Variants in VIM observed in about 807,000 individuals in gnomAD.
The protein encoded by VIM is epididymis secretory sperm binding protein.
Under a neutral mutation model 50.3 loss-of-function variants are expected in VIM, and 18 were observed. That is an observed-to-expected ratio of 0.36 (90% CI 0.25 to 0.53). The LOEUF is 0.53. Ranked by LOEUF, VIM falls within the 20% of genes least tolerant of loss-of-function variation. The pLI is 0.91. For missense variants in VIM, 551 were observed against 614.7 expected, an observed-to-expected ratio of 0.90 and a Z score of 1.10; for synonymous variants, 245 against 248.5, an observed-to-expected ratio of 0.99 and a Z score of 0.13.
intron 1 of VIM, 183 bp from the exon 2 acceptor site, chr10:17,229,093 G>C (rs1846730660): frequency 2.1e-6 from 1 of 478,394 alleles, no homozygotes; most frequent in Admixed American, 3.7e-5. Context: ...TGAAGTAACG[G>C]GACCATGCCC....
At chr10:17,235,086 A>G in intron 6 of VIM, 83 bp from the exon 7 acceptor site, 1 of 1,501,816 alleles carries the variant, frequency 6.7e-7, no homozygotes, top group Non-Finnish European at 9.2e-7. Context: ...AATGGAAATT[A>G]TTGCAGAAGG....
At chr10:17,232,548 C>T in intron 3 of VIM, among the ~76,000 whole-genome samples, 1 of 152,182 alleles carries the variant, frequency 6.6e-6, no homozygotes, top group South Asian at 2.1e-4. Context: ...AAAGACATGC[C>T]TTTACAGGAT....
chr10:17,233,726 C>G (rs533790228), intron 4 of VIM, 44 bp downstream of exon 4: 3 of 1,614,034 alleles, frequency 1.9e-6, no homozygotes. Context: ...GTAAGGCAGC[C>G]CCCACGGTTG....
intron 2 of VIM, 125 bp downstream of exon 2, chr10:17,230,110 G>T: frequency 8.3e-7 from 1 of 1,204,684 alleles, no homozygotes; most frequent in Non-Finnish European, 1.1e-6. Flanking sequence ...GGCCTGCCAG[G>T]GAGACAGCGG....
chr10:17,230,868 C>G, intron 3 of VIM, 158 bp downstream of exon 3: 2 of 716,050 alleles, frequency 2.8e-6, no homozygotes, highest in Non-Finnish European at 4.7e-6. Context: ...TGGAGCTTCT[C>G]ATGATTAGAA....
Position 17,228,464 on chromosome 10 carries a change from C to G in VIM, c.-208C>G, listed in dbSNP as rs1425731042. The G allele has an allele frequency of 6.6e-6, 1 of 152,258 alleles. No individual in the cohort carries two copies. Among genetic ancestry groups the G allele is most frequent in the Non-Finnish European group, 1.5e-5 (1 of 68,084 alleles). The allele number at this position is 152,258 out of a possible 1,614,324, so 9.4% of individuals were successfully genotyped here. Reference sequence around the variant, plus strand: ...GGAGCCCGCTGAGACTTGAATCAATCTGGTCTAACGGTTTCCCCTAAACCG... The same window carrying G: ...GGAGCCCGCTGAGACTTGAATCAATGTGGTCTAACGGTTTCCCCTAAACCG... On this transcript the variant is annotated 5_prime_UTR_variant, in exon 1 of 10. It adds an upstream start codon to the 5' untranslated region. Coordinates refer to ENST00000544301, the MANE Select transcript of VIM (RefSeq NM_003380.5).
At chr10:17,236,239 G>T in intron 8 of VIM, 55 bp from the exon 9 acceptor site, 1 of 1,356,336 alleles carries the variant, frequency 7.4e-7, no homozygotes, top group Non-Finnish European at 1.1e-6. Context: ...TGGTTACTTG[G>T]TTTTTCCAAG....
intron 3 of VIM, among the ~76,000 whole-genome samples, chr10:17,232,067 A>G (rs1413170922): frequency 1.3e-5 from 2 of 152,244 alleles, no homozygotes; most frequent in Admixed American, 1.3e-4. Flanking sequence ...ACATAAAACA[A>G]CATCAATACA....
chr10:17,228,379 C>T lies in VIM; in HGVS notation c.-293C>T, dbSNP rs1846715211. 1 of 152,212 alleles carries T rather than the reference C, an allele frequency of 6.6e-6. No individual in the cohort carries two copies. The highest frequency in any genetic ancestry group is 2.1e-4 in the South Asian group (1 of 4,832). The allele number at this position is 152,212 out of a possible 1,614,324, so 9.4% of individuals were successfully genotyped here. ...TCTTGTCCCCCACAGGGCCCGACCG[C>T]ACACAGCAAGGCGATGGCCCAGCTG... On this transcript the variant is annotated 5_prime_UTR_variant, in exon 1 of 10. Coordinates refer to ENST00000544301, the MANE Select transcript of VIM (RefSeq NM_003380.5).
rs1039681305 is a variant in VIM at position 17,237,331 on chromosome 10, T to C, written c.*60T>C. The C allele has an allele frequency of 1.9e-5, 29 of 1,543,288 alleles. No individual in the cohort carries two copies. The highest frequency in any genetic ancestry group is 2.6e-5 in the Non-Finnish European group (29 of 1,129,874). On this transcript the variant is annotated 3_prime_UTR_variant, in exon 10 of 10. Transcript: ENST00000544301. ...AGCAAGAATAAAAAAGAAATCCATA[T>C]CTTAAAGAAACAGCTTTCAAGTGCC...
intron 8 of VIM, 142 bp downstream of exon 8, chr10:17,236,031 C>T: frequency 3.3e-6 from 3 of 898,304 alleles, no homozygotes; most frequent in Non-Finnish European, 5.3e-6. Flanking sequence ...TTTTCGAACC[C>T]AAGTACACTC....
At chr10:17,230,564 C>A in intron 2 of VIM, 86 bp from the exon 3 acceptor site, 1 of 1,458,026 alleles carries the variant, frequency 6.9e-7, no homozygotes, top group South Asian at 1.1e-5. Flanking sequence ...TCTGGAGGCG[C>A]AGAGCGAATA....
rs112279926 is a variant in VIM at position 17,237,378 on chromosome 10, G to T, written c.*107G>T. On this transcript the variant is annotated 3_prime_UTR_variant, in exon 10 of 10. Transcript: ENST00000544301. ...TGCCTTTCTGCAGTTTTTCAGGAGC[G>T]CAAGATAGATTTGGAATAGGAATAA... 1 of 1,095,364 alleles carries T rather than the reference G, an allele frequency of 9.1e-7. No individual in the cohort carries two copies. Among genetic ancestry groups the T allele is most frequent in the South Asian group, 1.4e-5 (1 of 70,808 alleles). The allele number at this position is 1,095,364 out of a possible 1,614,324, so 67.9% of individuals were successfully genotyped here.
At chr10:17,233,246 C>A in intron 3 of VIM, 1 of 339,356 alleles carries the variant, frequency 2.9e-6, no homozygotes, top group Non-Finnish European at 5.7e-6. Context: ...CCATGACCAG[C>A]CTTAAAAAGT....
intron 3 of VIM, 129 bp from the exon 4 acceptor site, chr10:17,233,458 C>T (rs1846830026): frequency 1.2e-6 from 1 of 840,030 alleles, no homozygotes; most frequent in East Asian, 2.7e-5. Flanking sequence ...ATTCCAGGGT[C>T]ATAAAATGTG....
At chr10:17,230,581 G>A in intron 2 of VIM, 69 bp from the exon 3 acceptor site, 4 of 1,563,590 alleles carry the variant, frequency 2.6e-6, no homozygotes, top group Non-Finnish European at 3.5e-6. Context: ...AATACGTGGT[G>A]TTTGGGTGTG....
At chr10:17,233,195 G>A (rs186645796) in intron 3 of VIM, 23 of 292,008 alleles carry the variant, frequency 7.9e-5, no homozygotes, top group Admixed American at 5.4e-4. Flanking sequence ...TGATCCACCC[G>A]TCTCAGCCTC....
At chr10:17,234,624 T>A in intron 5 of VIM, 69 bp from the exon 6 acceptor site, 1 of 1,535,072 alleles carries the variant, frequency 6.5e-7, no homozygotes, top group Non-Finnish European at 8.9e-7. Flanking sequence ...AGAAATATGA[T>A]TTTTTTTTTC....
At position 17,237,259 on chromosome 10, in the gene VIM, T is replaced by C. The variant is rs376851316; in HGVS notation, c.1389T>C (p.Asp463=). The C allele has an allele frequency of 1.2e-6, 2 of 1,606,758 alleles. No homozygotes were observed. Among genetic ancestry groups the C allele is most frequent in the Non-Finnish European group, 1.7e-6 (2 of 1,175,742 alleles). ...TCAACGAAACTTCTCAGCATCACGA[T>C]GACCTTGAATAAAAATTGCACACAC... is the stretch of plus-strand genomic sequence containing the variant. ...QVINETSQHH[D]DLE is the part of the protein sequence containing the mutation. The change falls in exon 10 of 10, where the codon GAT becomes GAC. Residue 463 remains aspartate, a synonymous_variant. Transcript: ENST00000544301.
Sources: allele counts gnomAD v4.1 joint callset (sites outside exome capture counted in the v4.1 genomes callset), GRCh38; gene constraint gnomAD v4.1.1; transcripts MANE v1.5; gene names NCBI Gene and HGNC (gene_info 2026-07-23, HGNC 2026-07-21).